Variants in UBE2Z observed in about 807,000 individuals in gnomAD.
The protein encoded by UBE2Z is ubiquitin conjugating enzyme E2 Z, also known as ubiquitin-conjugating enzyme E2 Z.
UBE2Z carries 10 observed loss-of-function variants against 32.6 expected under a neutral mutation model. The ratio of observed to expected loss-of-function variants is 0.31; its 90% CI spans 0.19 to 0.52. UBE2Z has a LOEUF of 0.52. Ranked by LOEUF, UBE2Z falls within the 20% of genes least tolerant of loss-of-function variation. The probability of loss-of-function intolerance (pLI) is 0.97; values close to 1 mark genes in which losing one functional copy is unlikely to be tolerated. For missense variants in UBE2Z, 343 were observed against 480.9 expected, an observed-to-expected ratio of 0.71 and a Z score of 2.68; for synonymous variants, 183 against 190.8, an observed-to-expected ratio of 0.96 and a Z score of 0.34.
chr17:48,916,214 G>A, intron 4 of UBE2Z, 27 bp downstream of exon 4: 1 of 1,378,304 alleles, frequency 7.3e-7, no homozygotes, highest in Non-Finnish European at 9.7e-7. Context: ...CTGGCTCTGG[G>A]GTGTAGACTA....
In UBE2Z at chr17:48,927,170, T is replaced by G. The variant is rs2040803957; in HGVS notation, c.*36T>G. The G allele has an allele frequency of 6.2e-7, 1 of 1,605,824 alleles. No individual in the cohort carries two copies. Among genetic ancestry groups the G allele is most frequent in the African/African-American group, 1.3e-5 (1 of 74,416 alleles). On this transcript the variant is annotated 3_prime_UTR_variant, in exon 7 of 7. Coordinates refer to ENST00000360943, the MANE Select transcript of UBE2Z (RefSeq NM_023079.5). ...CATCTCCCCTTCCCCCACTCAAGAGTCCCAGCAGAATCCCTTCCCCCCACC... is the reference window on the plus strand; with the variant it reads ...CATCTCCCCTTCCCCCACTCAAGAGGCCCAGCAGAATCCCTTCCCCCCACC...
chr17:48,908,585 G>A lies in UBE2Z; in HGVS notation c.82G>A (p.Val28Ile). The A allele has an allele frequency of 8.1e-7, 1 of 1,240,734 alleles. No individual in the cohort carries two copies. The highest frequency in any genetic ancestry group is 1.6e-5 in the African/African-American group (1 of 64,310). 76.9% of individuals were successfully genotyped at this position (1,240,734 alleles called of 1,614,324 possible). A position where few individuals can be genotyped will look rare whatever the true frequency, so the allele number is the denominator to read the frequency against. Residue 28 changes from valine to isoleucine, a missense_variant, in exon 1 of 7, where the codon GTT becomes ATT. Physicochemically the swap from Val to Ile is conservative, Grantham distance 29 (BLOSUM62 3). Transcript: ENST00000360943. Reference protein sequence around the residue: ...GPGASSVAGVVGVSGSGGGFG... With the variant: ...GPGASSVAGVIGVSGSGGGFG... ...CGGGGCGAGCAGCGTTGCTGGTGTT[G>A]TTGGCGTTAGCGGCAGCGGCGGCGG...
intron 5 of UBE2Z, 48 bp downstream of exon 5, chr17:48,921,320 A>G: frequency 6.8e-7 from 1 of 1,472,400 alleles, no homozygotes; most frequent in Non-Finnish European, 9.4e-7. Flanking sequence ...GCATTTGGGT[A>G]GTTGGCATCT....
In UBE2Z at chr17:48,922,946, A is replaced by AC; in HGVS notation, c.894+13dup. 1 of 1,604,518 alleles carries AC rather than the reference A, an allele frequency of 6.2e-7. No homozygotes were observed. The highest frequency in any genetic ancestry group is 1.1e-5 in the South Asian group (1 of 89,892). ...AAGGCCAAACTATGCAGGTAATACA[A>AC]CCCCTGCTGCTAATTGCAGAAGCCC... On this transcript the variant is annotated intron_variant, in intron 6 of 6. Transcript: ENST00000360943.
chr17:48,912,620 A>C (rs2040688386), intron 2 of UBE2Z: 2 of 540,036 alleles, frequency 3.7e-6, no homozygotes, highest in Admixed American at 3.2e-5. Context: ...CCCCTGAGTA[A>C]GATGTCATTC....
intron 6 of UBE2Z, among the ~76,000 whole-genome samples, chr17:48,924,246 T>A (rs181006860): frequency 6.6e-6 from 1 of 152,316 alleles, no homozygotes; most frequent in African/African-American, 2.4e-5. Context: ...AGGCTGAGAT[T>A]ATTACAGGTG....
At position 48,927,384 on chromosome 17, in the gene UBE2Z, A is replaced by G. The variant is rs1598079260; in HGVS notation, c.*250A>G. The G allele has an allele frequency of 6.3e-6, 3 of 473,188 alleles. No homozygotes were observed. The allele number at this position is 473,188 out of a possible 1,614,324, so 29.3% of individuals were successfully genotyped here. ...CCGTATCAGGGGCCAAGGTACCTTT[A>G]CAGGAGCACCTAGAGCGAGGGCCTT... On this transcript the variant is annotated 3_prime_UTR_variant, in exon 7 of 7. Coordinates refer to ENST00000360943, the MANE Select transcript of UBE2Z (RefSeq NM_023079.5).
intron 4 of UBE2Z, among the ~76,000 whole-genome samples, chr17:48,917,765 A>G (rs1192482146): frequency 2.6e-5 from 4 of 152,170 alleles, no homozygotes; most frequent in Non-Finnish European, 5.9e-5. Context: ...AGAGAGGTTA[A>G]TTAACTTTCA....
intron 4 of UBE2Z, among the ~76,000 whole-genome samples, chr17:48,916,586 TTTTTGTTTTGTTTTG>T (rs77094622): frequency 6.7e-6 from 1 of 148,930 alleles, no homozygotes; most frequent in Non-Finnish European, 1.5e-5. Context: ...TGGGAGGTTT[TTTTTGTTTTGTTTTG>T]TTTTGTTTTG....
chr17:48,910,630 C>T (rs1461606297), intron 1 of UBE2Z, 178 bp from the exon 2 acceptor site: 5 of 522,672 alleles, frequency 9.6e-6, no homozygotes, highest in Non-Finnish European at 1.7e-5. Flanking sequence ...CTCTGCCTGC[C>T]TGACAAGTAC....
Position 48,927,056 on chromosome 17 carries a change from T to A in UBE2Z, c.987T>A (p.His329Gln). The stretch of plus-strand genomic sequence containing the variant: ...GTCAGAAAGTGCTGGAGAGGCTCCA[T>A]AATGAGAATGCAGAAATGGACTCTG... ...LIRQKVLERL[H>Q]NENAEMDSDS... The change falls in exon 7 of 7, where the codon CAT becomes CAA. Residue 329 changes from histidine (H) to glutamine (Q), a missense_variant. Physicochemically the swap from His to Gln is conservative, Grantham distance 24 (BLOSUM62 0). Transcript: ENST00000360943. 8 of 1,613,890 alleles carry A rather than the reference T, an allele frequency of 5.0e-6. No homozygotes were observed. Among genetic ancestry groups the A allele is most frequent in the Non-Finnish European group, 6.8e-6 (8 of 1,179,848 alleles).
intron 5 of UBE2Z, 105 bp downstream of exon 5, chr17:48,921,377 G>C: frequency 2.4e-6 from 2 of 836,776 alleles, no homozygotes; most frequent in South Asian, 1.7e-5. Flanking sequence ...TAGAGAAGAA[G>C]GAAAGATGTG....
intron 6 of UBE2Z, among the ~76,000 whole-genome samples, chr17:48,925,658 G>C (rs570263752): frequency 1.3e-5 from 2 of 152,342 alleles, no homozygotes; most frequent in South Asian, 2.1e-4. Flanking sequence ...CTGGTGATGA[G>C]GGATGGGAGG....
chr17:48,916,252 T>TTTTTTG lies in UBE2Z; in HGVS notation c.690+71_690+76dup. 7 of 782,688 alleles carry TTTTTTG rather than the reference T, an allele frequency of 8.9e-6. No individual in the cohort carries two copies. In the East Asian group the frequency reaches 2.5e-4, roughly 28 times the overall value. 48.5% of individuals were successfully genotyped at this position (782,688 alleles called of 1,614,324 possible). A position where few individuals can be genotyped will look rare whatever the true frequency, so the allele number is the denominator to read the frequency against. On this transcript the variant is annotated intron_variant, in intron 4 of 6. Coordinates refer to ENST00000360943, the MANE Select transcript of UBE2Z (RefSeq NM_023079.5). ...GTTTTTGTTTGTTTGGTTGGTTGGT[T>TTTTTTG]TTTTTGTTTTTTTTTTTTTTTGAGA...
At chr17:48,917,834 C>T (rs1388456831) in intron 4 of UBE2Z, among the ~76,000 whole-genome samples, 3 of 152,230 alleles carry the variant, frequency 2.0e-5, no homozygotes, top group Admixed American at 2.0e-4. Context: ...ACTTCTCCCA[C>T]TCTTCCGATG....
In UBE2Z at chr17:48,928,907, TAGC is replaced by T. The variant is rs1297358134; in HGVS notation, c.*1777_*1779del. ...GCCATAGGGCAGAGCATGTCTGGCA[TAGC>T]AGCCTGACTTTTATGCCCTAATCTT... On this transcript the variant is annotated 3_prime_UTR_variant, in exon 7 of 7. Transcript: ENST00000360943. The T allele has an allele frequency of 1.3e-5, 2 of 152,720 alleles. No individual in the cohort carries two copies. Among genetic ancestry groups the T allele is most frequent in the African/African-American group, 4.8e-5 (2 of 41,486 alleles). The allele number at this position is 152,720 out of a possible 1,614,324, so 9.5% of individuals were successfully genotyped here.
intron 4 of UBE2Z, 113 bp from the exon 5 acceptor site, chr17:48,921,047 T>G: frequency 1.3e-6 from 1 of 787,366 alleles, no homozygotes; most frequent in South Asian, 1.7e-5. Context: ...GGGAAAGGTA[T>G]CTTTTTAGTT....
At chr17:48,915,481 C>T (rs1598073170) in intron 3 of UBE2Z, among the ~76,000 whole-genome samples, 3 of 152,166 alleles carry the variant, frequency 2.0e-5, no homozygotes, top group South Asian at 2.1e-4. Context: ...TGGTATTTGA[C>T]GTTTTCCATA....
intron 4 of UBE2Z, among the ~76,000 whole-genome samples, chr17:48,918,988 C>T (rs956001376): frequency 1.3e-5 from 2 of 152,136 alleles, no homozygotes; most frequent in African/African-American, 2.4e-5. Flanking sequence ...CTCAAGCAGT[C>T]TGCCCACGTC....
Sources: allele counts gnomAD v4.1 joint callset (sites outside exome capture counted in the v4.1 genomes callset), GRCh38; gene constraint gnomAD v4.1.1; transcripts MANE v1.5; gene names NCBI Gene and HGNC (gene_info 2026-07-23, HGNC 2026-07-21).